Variants in DPYD observed in about 807,000 individuals in gnomAD.
The protein encoded by DPYD is dihydropyrimidine dehydrogenase, also known as dihydropyrimidine dehydrogenase [NADP(+)].
DPYD carries 109 observed loss-of-function variants against 116.2 expected under a neutral mutation model. The ratio of observed to expected loss-of-function variants is 0.94; its 90% CI spans 0.80 to 1.10. The LOEUF is 1.10. Among genes scored for constraint, DPYD ranks in the 50% least tolerant of loss-of-function variants. The pLI is 0.00. For synonymous variants in DPYD, 440 were observed against 432.0 expected (o/e 1.02, Z -0.23); for missense variants, 1,302 against 1,254.5 (o/e 1.04, Z -0.57).
chr1:97,463,842 T>C (rs550067956), intron 13 of DPYD, among the ~76,000 whole-genome samples: 1 of 152,304 alleles, frequency 6.6e-6, no homozygotes, highest in South Asian at 2.1e-4. Context: ...ATTTAGGGTA[T>C]CTGGCAGAAG....
chr1:97,530,713 A>G (rs1276509924), intron 12 of DPYD, among the ~76,000 whole-genome samples: 3 of 152,208 alleles, frequency 2.0e-5, no homozygotes, highest in Admixed American at 2.0e-4. Context: ...ACTGTTTTCT[A>G]TAGCAGTTTC....
intron 18 of DPYD, among the ~76,000 whole-genome samples, chr1:97,239,474 T>C (rs1429533898): frequency 6.6e-6 from 1 of 151,832 alleles, no homozygotes; most frequent in Non-Finnish European, 1.5e-5. Flanking sequence ...ACCTATGGCT[T>C]TTTTTTTCCT....
intron 14 of DPYD, among the ~76,000 whole-genome samples, chr1:97,444,382 A>G (rs550989854): frequency 2.6e-5 from 4 of 152,262 alleles, no homozygotes; most frequent in Admixed American, 1.3e-4. Context: ...CAGTTTCATC[A>G]TATGTTAAAA....
chr1:97,501,446 A>C (rs1262726258), intron 13 of DPYD, among the ~76,000 whole-genome samples: 2 of 152,050 alleles, frequency 1.3e-5, no homozygotes, highest in African/African-American at 4.8e-5. Flanking sequence ...GCACACCTAT[A>C]ATCCCAGAAC....
intron 11 of DPYD, among the ~76,000 whole-genome samples, chr1:97,569,609 C>T (rs1419042427): frequency 1.3e-5 from 2 of 151,554 alleles, no homozygotes; most frequent in African/African-American, 4.8e-5. Context: ...CAACAAAATC[C>T]CAAGTTAATG....
intron 20 of DPYD, among the ~76,000 whole-genome samples, chr1:97,108,692 A>C (rs1193547668): frequency 6.6e-6 from 1 of 152,134 alleles, no homozygotes; most frequent in Non-Finnish European, 1.5e-5. Context: ...ATATTTTTTT[A>C]ATGAAAGCTA....
At chr1:97,339,606 T>A (rs910084928) in intron 16 of DPYD, among the ~76,000 whole-genome samples, 1 of 152,294 alleles carries the variant, frequency 6.6e-6, no homozygotes, top group Admixed American at 6.5e-5. Flanking sequence ...TGTACTGATA[T>A]CTTATCTGAA....
chr1:97,438,935 A>G (rs1353792121), intron 14 of DPYD, among the ~76,000 whole-genome samples: 2 of 152,080 alleles, frequency 1.3e-5, no homozygotes, highest in Admixed American at 6.5e-5. Flanking sequence ...GAAGTTGGTG[A>G]AAGCAGATAT....
chr1:97,826,520 TA>T (rs1669253255), intron 3 of DPYD, among the ~76,000 whole-genome samples: 1 of 152,128 alleles, frequency 6.6e-6, no homozygotes, highest in Non-Finnish European at 1.5e-5. Flanking sequence ...TAAATAGATA[TA>T]AAAATATAGA....
chr1:97,836,333 C>A (rs1669771833), intron 2 of DPYD, among the ~76,000 whole-genome samples: 1 of 152,112 alleles, frequency 6.6e-6, no homozygotes, highest in African/African-American at 2.4e-5. Flanking sequence ...TTTGTTCATG[C>A]ATTTATTAGT....
At chr1:97,887,750 G>C (rs1459711460) in intron 1 of DPYD, among the ~76,000 whole-genome samples, 1 of 151,934 alleles carries the variant, frequency 6.6e-6, no homozygotes, top group East Asian at 1.9e-4. Flanking sequence ...ATCTTGAATT[G>C]TAGTTCCCAT....
rs1399122750 is a variant in DPYD, at chr1:97,279,126, G to C, written c.2299+26133C>G. ...TCCTGTCACCCAGGTAGTGAGCATA[G>C]TGGTGAATCTGTAAGACATTAGATT... is the stretch of plus-strand genomic sequence containing the variant. On this transcript the variant is annotated intron_variant, in intron 18 of 22. Transcript: ENST00000370192. Among the ~76,000 whole-genome samples the C allele has an allele frequency of 3.3e-5, 5 of 152,118 alleles. No homozygotes were observed. In the East Asian group the frequency reaches 9.6e-4, roughly 29 times the overall value.
intron 8 of DPYD, among the ~76,000 whole-genome samples, chr1:97,611,010 C>A (rs564071948): frequency 6.6e-6 from 1 of 151,374 alleles, no homozygotes; most frequent in Non-Finnish European, 1.5e-5. Context: ...TGTCTGTGTA[C>A]GTATGTACAA....
intron 13 of DPYD, among the ~76,000 whole-genome samples, chr1:97,509,163 A>T (rs1232966318): frequency 6.6e-6 from 1 of 152,004 alleles, no homozygotes; most frequent in Non-Finnish European, 1.5e-5. Context: ...CATACTGCCA[A>T]ACTGTCGAAA....
At chr1:97,576,256 C>T (rs1289605136) in intron 10 of DPYD, among the ~76,000 whole-genome samples, 3 of 152,066 alleles carry the variant, frequency 2.0e-5, no homozygotes, top group Non-Finnish European at 4.4e-5. Context: ...AATGATAATG[C>T]CACACTTGAC....
intron 1 of DPYD, among the ~76,000 whole-genome samples, chr1:97,900,659 G>T (rs1673323910): frequency 6.6e-6 from 1 of 151,812 alleles, no homozygotes; most frequent in African/African-American, 2.4e-5. Context: ...TTCATTGACT[G>T]CTAATAGGTT....
At chr1:97,338,517 C>T (rs1669419352) in intron 16 of DPYD, among the ~76,000 whole-genome samples, 1 of 152,170 alleles carries the variant, frequency 6.6e-6, no homozygotes, top group African/African-American at 2.4e-5. Flanking sequence ...CAAAGAAGAG[C>T]ACGTCTGCCA....
chr1:97,688,738 C>T (rs1423820647), intron 7 of DPYD, among the ~76,000 whole-genome samples: 1 of 151,744 alleles, frequency 6.6e-6, no homozygotes, highest in Non-Finnish European at 1.5e-5. Flanking sequence ...TTGACTGTTC[C>T]CTGCGATATT....
chr1:97,441,625 C>T (rs2101762441), intron 14 of DPYD, among the ~76,000 whole-genome samples: 1 of 152,170 alleles, frequency 6.6e-6, no homozygotes, highest in South Asian at 2.1e-4. Flanking sequence ...CTTTATTGTA[C>T]TTGTCTGCTA....
Sources: gnomAD v4.1 joint callset for allele counts (sites outside exome capture counted in the v4.1 genomes callset) on GRCh38, gnomAD v4.1.1 for gene constraint, MANE v1.5 for transcripts, NCBI Gene and HGNC (gene_info 2026-07-23, HGNC 2026-07-21) for gene names.